GRID2: variants seen among roughly 807,000 people sequenced by gnomAD.
The protein encoded by GRID2 is glutamate receptor ionotropic, delta-2.
Under a neutral mutation model 114.8 loss-of-function variants are expected in GRID2, and 33 were observed. The observed-to-expected ratio is 0.29, with a 90% CI of 0.22 to 0.38. The LOEUF is 0.38. Among genes scored for constraint, GRID2 ranks in the 10% least tolerant of loss-of-function variants. The probability of loss-of-function intolerance (pLI) is 1.00; values close to 1 mark genes in which losing one functional copy is unlikely to be tolerated. For missense variants in GRID2, 1,184 were observed against 1,257.7 expected (o/e 0.94, Z 0.89); for synonymous variants, 505 against 449.9 (o/e 1.12, Z -1.55).
chr4:92,946,197 A>G (rs973413517), intron 2 of GRID2, among the ~76,000 whole-genome samples: 6 of 152,102 alleles, frequency 3.9e-5, no homozygotes, highest in African/African-American at 1.4e-4. Context: ...ATTCCATCAA[A>G]GCCTTCAAAA....
At position 93,117,630 on chromosome 4, in the gene GRID2, A is replaced by T. The variant is rs189064465; in HGVS notation, c.735+6677A>T. ...ATGACAAGCAAGTGTTCTTTTCTCT[A>T]TCTATTTATTTAGTGCCTTTTTCAA... is the stretch of plus-strand genomic sequence containing the variant. On this transcript the variant is annotated intron_variant, in intron 4 of 15. Coordinates refer to ENST00000282020, the MANE Select transcript of GRID2 (RefSeq NM_001510.4). 7.7e-4 allele frequency among the ~76,000 whole-genome samples: 116 copies of T among 151,012 alleles called. 4 individuals are homozygous for T. The East Asian group carries it at 0.015, about 19-fold the overall frequency.
intron 2 of GRID2, among the ~76,000 whole-genome samples, chr4:92,995,523 G>A (rs1755147152): frequency 1.3e-5 from 2 of 152,176 alleles, no homozygotes; most frequent in South Asian, 4.1e-4. Flanking sequence ...ATCTTGAAAA[G>A]CTAAAGAGGT....
At chr4:92,665,989 A>G (rs920862616) in intron 2 of GRID2, among the ~76,000 whole-genome samples, 2 of 151,452 alleles carry the variant, frequency 1.3e-5, no homozygotes, top group African/African-American at 4.8e-5. Context: ...TTCAGAAACT[A>G]TTTAAATATT....
At chr4:93,707,481 T>G in intron 14 of GRID2, among the ~76,000 whole-genome samples, 1 of 152,072 alleles carries the variant, frequency 6.6e-6, no homozygotes, top group East Asian at 1.9e-4. Flanking sequence ...TTCCAATTTG[T>G]TGGCATATAG....
chr4:93,748,867 T>C (rs1578728322), intron 14 of GRID2, among the ~76,000 whole-genome samples: 2 of 152,266 alleles, frequency 1.3e-5, no homozygotes, highest in East Asian at 3.9e-4. Context: ...ACATAGATCA[T>C]TGTGACAAAT....
intron 2 of GRID2, among the ~76,000 whole-genome samples, chr4:92,792,456 A>AAC (rs35204445): frequency 0.11 from 14,637 of 136,004 alleles, 732 homozygotes; most frequent in Non-Finnish European, 0.12. Flanking sequence ...CAGGCAAGAG[A>AAC]ACACACACAC....
intron 1 of GRID2, among the ~76,000 whole-genome samples, chr4:92,538,389 A>G (rs1269646235): frequency 6.6e-6 from 1 of 152,186 alleles, no homozygotes; most frequent in East Asian, 1.9e-4. Context: ...TTTCATCTAT[A>G]TGATCCTGTA....
intron 2 of GRID2, among the ~76,000 whole-genome samples, chr4:92,744,204 T>G (rs1737033714): frequency 6.6e-6 from 1 of 152,074 alleles, no homozygotes. Context: ...TTTTAAGATA[T>G]TCAGAGGGGC....
chr4:93,585,820 A>G (rs1737484128), intron 13 of GRID2, among the ~76,000 whole-genome samples: 1 of 152,104 alleles, frequency 6.6e-6, no homozygotes, highest in Non-Finnish European at 1.5e-5. Flanking sequence ...TAGTTTTTTC[A>G]TAACACACAT....
chr4:93,496,912 C>T (rs749031671), intron 12 of GRID2, among the ~76,000 whole-genome samples: 15 of 151,910 alleles, frequency 9.9e-5, no homozygotes, highest in South Asian at 2.1e-4. Context: ...TACAATTGCT[C>T]GGTCATGTGT....
chr4:92,822,495 C>T, intron 2 of GRID2: 1 of 417,140 alleles, frequency 2.4e-6, no homozygotes, highest in South Asian at 2.0e-5. Flanking sequence ...AGTGGCTCTC[C>T]ACCTGGACAG....
rs141125121 is a variant in GRID2 at position 93,103,970 on chromosome 4, G to GTA, written c.530-6776_530-6775dup. Among the ~76,000 whole-genome samples, 902 of 151,046 alleles carry GTA rather than the reference G, an allele frequency of 6.0e-3. 5 individuals are homozygous for GTA. Among genetic ancestry groups the GTA allele is most frequent in the Non-Finnish European group, 9.0e-3 (611 of 67,828 alleles). ...TTAGGTACAAGGGGAGTGTGTGTAGGTATGTTACATGGGTATATTGCACCC... is the reference window on the plus strand; with the variant it reads ...TTAGGTACAAGGGGAGTGTGTGTAGGTATATGTTACATGGGTATATTGCACCC... On this transcript the variant is annotated intron_variant, in intron 3 of 15. Coordinates refer to ENST00000282020, the MANE Select transcript of GRID2 (RefSeq NM_001510.4).
At chr4:92,611,430 A>G (rs1560488387) in intron 2 of GRID2, among the ~76,000 whole-genome samples, 1 of 151,542 alleles carries the variant, frequency 6.6e-6, no homozygotes, top group Non-Finnish European at 1.5e-5. Context: ...TAATCCTATC[A>G]GATAAGGACT....
intron 8 of GRID2, among the ~76,000 whole-genome samples, chr4:93,286,594 T>G (rs555339100): frequency 6.6e-6 from 1 of 152,154 alleles, no homozygotes; most frequent in East Asian, 1.9e-4. Context: ...CAAAACACAC[T>G]GTATCACTTA....
intron 4 of GRID2, among the ~76,000 whole-genome samples, chr4:93,127,244 T>G (rs1430747695): frequency 6.6e-6 from 1 of 152,240 alleles, no homozygotes; most frequent in Non-Finnish European, 1.5e-5. Context: ...GCATTTTTTT[T>G]GGAGTTACTT....
At chr4:92,616,651 T>C (rs1331208121) in intron 2 of GRID2, among the ~76,000 whole-genome samples, 1 of 150,678 alleles carries the variant, frequency 6.6e-6, no homozygotes, top group African/African-American at 2.4e-5. Flanking sequence ...TGTTCTTTGT[T>C]TTTTTCCTCA....
intron 4 of GRID2, among the ~76,000 whole-genome samples, chr4:93,151,134 AAAG>A (rs1359014208): frequency 1.3e-5 from 2 of 151,174 alleles, no homozygotes; most frequent in African/African-American, 4.9e-5. Context: ...AAAAAAAAAA[AAAG>A]AAAGAAAAAA....
chr4:93,224,013 A>C (rs1051283281), intron 6 of GRID2, among the ~76,000 whole-genome samples: 3 of 152,160 alleles, frequency 2.0e-5, no homozygotes, highest in African/African-American at 4.8e-5. Flanking sequence ...GAAATCAATG[A>C]ATTGTAATGC....
intron 2 of GRID2, among the ~76,000 whole-genome samples, chr4:93,060,693 A>G (rs1727703321): frequency 6.6e-6 from 1 of 152,132 alleles, no homozygotes; most frequent in Non-Finnish European, 1.5e-5. Flanking sequence ...CTTTTTTCCT[A>G]ATGACTTTGT....
Sources: allele counts gnomAD v4.1 joint callset (sites outside exome capture counted in the v4.1 genomes callset), GRCh38; gene constraint gnomAD v4.1.1; transcripts MANE v1.5; gene names NCBI Gene and HGNC (gene_info 2026-07-23, HGNC 2026-07-21).